Variants in DCAF6 observed in about 807,000 individuals in gnomAD.
DCAF6 encodes DDB1 and CUL4 associated factor 6.
Under a neutral mutation model 125.1 loss-of-function variants are expected in DCAF6, and 54 were observed. The ratio of observed to expected loss-of-function variants is 0.43; its 90% CI spans 0.35 to 0.54. DCAF6 has a LOEUF of 0.54. Among genes scored for constraint, DCAF6 ranks in the 20% least tolerant of loss-of-function variants. The pLI is 0.01. For synonymous variants in DCAF6, 371 were observed against 390.4 expected, an observed-to-expected ratio of 0.95 and a Z score of 0.58; for missense variants, 934 against 1,161.7, an observed-to-expected ratio of 0.80 and a Z score of 2.85.
At chr1:167,907,543 T>C in the DCAF6 span, among the ~76,000 whole-genome samples, 1 of 152,182 alleles carries the variant, frequency 6.6e-6, no homozygotes, top group South Asian at 2.1e-4. Flanking sequence ...CTCATGGCAT[T>C]GACCAAAGCA....
intron 4 of DCAF6, among the ~76,000 whole-genome samples, chr1:167,983,787 C>T (rs1679543460): frequency 6.6e-6 from 1 of 152,128 alleles, no homozygotes; most frequent in Non-Finnish European, 1.5e-5. Context: ...GTATTACTGC[C>T]TCAAGCAACT....
intron 7 of DCAF6, among the ~76,000 whole-genome samples, chr1:167,993,744 C>T (rs560121331): frequency 3.0e-4 from 45 of 150,960 alleles, no homozygotes; most frequent in African/African-American, 9.8e-4. Flanking sequence ...AGTGAAACTC[C>T]GTCTCAGAAA....
chr1:167,949,544 A>G (rs1377932866), intron 1 of DCAF6, among the ~76,000 whole-genome samples: 1 of 152,184 alleles, frequency 6.6e-6, no homozygotes, highest in Non-Finnish European at 1.5e-5. Flanking sequence ...ATTAAAACCC[A>G]TTACATGCAC....
At chr1:168,058,451 T>C (rs1421758704) in intron 17 of DCAF6, among the ~76,000 whole-genome samples, 1 of 152,240 alleles carries the variant, frequency 6.6e-6, no homozygotes, top group Non-Finnish European at 1.5e-5. Context: ...TTGTCACATA[T>C]CTTGATTTTT....
chr1:168,014,556 A>G (rs1684704839), intron 10 of DCAF6, among the ~76,000 whole-genome samples: 1 of 152,038 alleles, frequency 6.6e-6, no homozygotes, highest in Non-Finnish European at 1.5e-5. Flanking sequence ...GTCCCTACCT[A>G]ATTTCTCCAC....
chr1:167,930,607 G>C, the DCAF6 span, among the ~76,000 whole-genome samples: 2 of 152,152 alleles, frequency 1.3e-5, no homozygotes, highest in African/African-American at 4.8e-5. Flanking sequence ...TTTAAGGAAA[G>C]TCCAAGCTCC....
chr1:168,069,120 A>C (rs937210867), intron 21 of DCAF6, among the ~76,000 whole-genome samples: 6 of 152,200 alleles, frequency 3.9e-5, no homozygotes, highest in African/African-American at 1.4e-4. Context: ...GCTTATACTA[A>C]TTATTTCACA....
At chr1:167,905,317 A>C in the DCAF6 span, 8 of 784,772 alleles carry the variant, frequency 1.0e-5, no homozygotes, top group Middle Eastern at 3.6e-4. Context: ...AAAATGCCAG[A>C]GTTGTTGAGC....
the DCAF6 span, among the ~76,000 whole-genome samples, chr1:167,900,545 T>G: frequency 3.3e-5 from 5 of 152,176 alleles, no homozygotes; most frequent in African/African-American, 1.2e-4. Context: ...TGGGCTTTTT[T>G]TTTTGAGATG....
At chr1:168,033,563 C>T (rs1187299586) in intron 12 of DCAF6, among the ~76,000 whole-genome samples, 2 of 151,792 alleles carry the variant, frequency 1.3e-5, no homozygotes, top group African/African-American at 2.4e-5. Flanking sequence ...ATGATCCACC[C>T]GCCTCGGCCT....
At chr1:168,028,097 A>G (rs1295493845) in intron 12 of DCAF6, among the ~76,000 whole-genome samples, 2 of 152,136 alleles carry the variant, frequency 1.3e-5, no homozygotes, top group Non-Finnish European at 2.9e-5. Context: ...AGTAATGTCC[A>G]TCATGCATCT....
chr1:168,030,661 G>T (rs1686968895), intron 12 of DCAF6, among the ~76,000 whole-genome samples: 1 of 152,236 alleles, frequency 6.6e-6, no homozygotes, highest in African/African-American at 2.4e-5. Context: ...AATGACACAG[G>T]GATTGAGGAG....
At chr1:168,013,642 C>CT (rs1270904218) in intron 10 of DCAF6, among the ~76,000 whole-genome samples, 8 of 151,822 alleles carry the variant, frequency 5.3e-5, no homozygotes, top group Admixed American at 1.3e-4. Flanking sequence ...TGGTTTTCCG[C>CT]TTTTTTTTAA....
In DCAF6 at chr1:167,969,788, C is replaced by CT. The variant is rs561303539; in HGVS notation, c.252+3073dup. On this transcript the variant is annotated intron_variant, in intron 3 of 21. Transcript: ENST00000367840. Reference sequence around the variant, plus strand: ...ACTTTTCATTTTATTTTTTATTATTCTTTTTTGAGATAGAGTCTTGCTCTG... The same window carrying CT: ...ACTTTTCATTTTATTTTTTATTATTCTTTTTTTGAGATAGAGTCTTGCTCTG... Among the ~76,000 whole-genome samples, 119 of 152,070 alleles carry CT rather than the reference C, an allele frequency of 7.8e-4. 1 individual carries two copies. In the South Asian group the frequency reaches 0.023, roughly 29 times the overall value.
chr1:167,976,678 A>T (rs145893785), intron 4 of DCAF6, among the ~76,000 whole-genome samples: 54 of 152,224 alleles, frequency 3.5e-4, no homozygotes, highest in Non-Finnish European at 6.3e-4. Context: ...AACTTGGAAC[A>T]TACCTTGTTC....
chr1:168,027,918 T>A (rs1224285727), intron 12 of DCAF6, among the ~76,000 whole-genome samples: 3 of 152,170 alleles, frequency 2.0e-5, no homozygotes, highest in African/African-American at 7.2e-5. Flanking sequence ...TTACTTTTTT[T>A]AAGAAACAAA....
intron 13 of DCAF6, among the ~76,000 whole-genome samples, chr1:168,040,920 TA>T (rs1380663516): frequency 0.014 from 2,057 of 145,808 alleles, 50 homozygotes; most frequent in African/African-American, 0.049. Flanking sequence ...AGGCAGAACT[TA>T]AAAAAAAAAA....
At chr1:167,879,758 AT>A in the DCAF6 span, among the ~76,000 whole-genome samples, 1 of 152,140 alleles carries the variant, frequency 6.6e-6, no homozygotes, top group Non-Finnish European at 1.5e-5. Context: ...GAGTGTCATT[AT>A]TTTTCAGTAA....
At chr1:167,874,245 C>G in the DCAF6 span, among the ~76,000 whole-genome samples, 1 of 152,148 alleles carries the variant, frequency 6.6e-6, no homozygotes, top group African/African-American at 2.4e-5. Flanking sequence ...TCCTGAGAAT[C>G]ACTTGAACCC....
Sources: gnomAD v4.1 joint callset for allele counts (sites outside exome capture counted in the v4.1 genomes callset) on GRCh38, gnomAD v4.1.1 for gene constraint, MANE v1.5 for transcripts, NCBI Gene and HGNC (gene_info 2026-07-23, HGNC 2026-07-21) for gene names.